The following RIMS2 variants were observed in gnomAD, a reference collection of about 807,000 sequenced individuals.
RIMS2 encodes the protein regulating synaptic membrane exocytosis 2.
Under a neutral mutation model 174.4 loss-of-function variants are expected in RIMS2, and 59 were observed. The ratio of observed to expected loss-of-function variants is 0.34; its 90% CI spans 0.27 to 0.42. The LOEUF (loss-of-function observed/expected upper bound fraction) is 0.42, where lower values mean the gene tolerates loss of function less well. Among genes scored for constraint, RIMS2 ranks in the 10% least tolerant of loss-of-function variants. The pLI is 1.00. For missense variants in RIMS2, 1,620 were observed against 1,666.3 expected (o/e 0.97, Z 0.48); for synonymous variants, 606 against 572.5 (o/e 1.06, Z -0.84).
At chr8:104,091,367 A>G (rs372178216) in intron 19 of RIMS2, among the ~76,000 whole-genome samples, 14 of 151,874 alleles carry the variant, frequency 9.2e-5, no homozygotes, top group East Asian at 1.9e-4. Flanking sequence ...AAAAGAAAGA[A>G]TAGCAGCTAC....
rs550975181 is a variant in RIMS2, at chr8:103,961,497, T to C, written c.2770+364T>C. ...TTTTTATGTAACCACCATATCTAAA[T>C]ATGTCAAATGTTTAAATGGGAGTTT... On this transcript the variant is annotated intron_variant, in intron 15 of 23. Transcript: ENST00000504942. Among the ~76,000 whole-genome samples the C allele has an allele frequency of 3.2e-3, 485 of 152,284 alleles. 5 individuals are homozygous for C. The highest frequency in any genetic ancestry group is 3.5e-3 in the Non-Finnish European group (236 of 67,962).
At chr8:104,093,613 C>T (rs751883353) in intron 19 of RIMS2, 2 of 1,596,770 alleles carry the variant, frequency 1.3e-6, no homozygotes, top group South Asian at 1.1e-5. Flanking sequence ...TCTGTCCAAT[C>T]AGAACGCCCA....
intron 1 of RIMS2, among the ~76,000 whole-genome samples, chr8:103,678,232 T>C (rs1465443691): frequency 2.6e-5 from 4 of 152,204 alleles, no homozygotes; most frequent in Non-Finnish European, 5.9e-5. Context: ...TCAAATAATA[T>C]ACACACAATA....
intron 3 of RIMS2, among the ~76,000 whole-genome samples, chr8:103,854,635 G>A (rs2099017410): frequency 6.6e-6 from 1 of 151,576 alleles, no homozygotes; most frequent in Non-Finnish European, 1.5e-5. Flanking sequence ...TATGCTTTTT[G>A]TTTTGAATTA....
intron 3 of RIMS2, among the ~76,000 whole-genome samples, chr8:103,786,621 C>T (rs1365469653): frequency 1.3e-5 from 2 of 152,158 alleles, no homozygotes; most frequent in Non-Finnish European, 2.9e-5. Flanking sequence ...TTTGATTGCA[C>T]TGTGGTCTGA....
At chr8:104,066,693 A>C (rs574190105) in intron 19 of RIMS2, among the ~76,000 whole-genome samples, 1 of 152,308 alleles carries the variant, frequency 6.6e-6, no homozygotes, top group East Asian at 1.9e-4. Flanking sequence ...TATGTCATTC[A>C]AATTATATTA....
intron 19 of RIMS2, among the ~76,000 whole-genome samples, chr8:104,194,394 A>G (rs1328151887): frequency 6.6e-6 from 1 of 152,208 alleles, no homozygotes; most frequent in Non-Finnish European, 1.5e-5. Context: ...TTTATAATCA[A>G]TGATAATTTT....
intron 2 of RIMS2, among the ~76,000 whole-genome samples, chr8:103,705,784 A>G (rs1005209756): frequency 2.0e-5 from 3 of 150,654 alleles, no homozygotes; most frequent in South Asian, 2.1e-4. Context: ...TTTTCCATGC[A>G]TGTATGTCTT....
At chr8:104,172,253 G>C (rs1243529828) in intron 19 of RIMS2, among the ~76,000 whole-genome samples, 3 of 152,028 alleles carry the variant, frequency 2.0e-5, no homozygotes, top group African/African-American at 7.2e-5. Flanking sequence ...TCTCAGTTAG[G>C]GCATCATCTA....
chr8:103,501,189 G>T, intron 1 of RIMS2, 127 bp downstream of exon 1: 1 of 588,982 alleles, frequency 1.7e-6, no homozygotes, highest in Non-Finnish European at 2.6e-6. Flanking sequence ...GGCCACGAGG[G>T]CTGCGGCCAG....
At chr8:103,854,748 C>A (rs912998130) in intron 3 of RIMS2, among the ~76,000 whole-genome samples, 2 of 151,850 alleles carry the variant, frequency 1.3e-5, no homozygotes, top group African/African-American at 4.8e-5. Context: ...TTTTGATGTG[C>A]TGTTGGATTT....
intron 1 of RIMS2, among the ~76,000 whole-genome samples, chr8:103,532,282 G>A (rs1205772034): frequency 6.6e-6 from 1 of 152,232 alleles, no homozygotes; most frequent in African/African-American, 2.4e-5. Context: ...AGTAGTTTCT[G>A]AATGTTCTGA....
At chr8:103,536,515 A>T (rs897118678) in intron 1 of RIMS2, among the ~76,000 whole-genome samples, 2 of 152,154 alleles carry the variant, frequency 1.3e-5, no homozygotes, top group Non-Finnish European at 2.9e-5. Context: ...AATTAACCTC[A>T]TGGTTCCTCA....
intron 1 of RIMS2, among the ~76,000 whole-genome samples, chr8:103,557,556 A>G (rs2090716574): frequency 6.6e-6 from 1 of 152,198 alleles, no homozygotes; most frequent in African/African-American, 2.4e-5. Context: ...TGTTCCAGGC[A>G]CTGTTCTAGA....
In RIMS2 at chr8:104,194,139, T is replaced by G. The variant is rs114047666; in HGVS notation, c.3335-50777T>G. Among the ~76,000 whole-genome samples the G allele has an allele frequency of 4.6e-3, 698 of 152,218 alleles. 9 individuals are homozygous for G. Among genetic ancestry groups the G allele is most frequent in the African/African-American group, 0.016 (656 of 41,548 alleles). ...GCAAATAATCAGTATTAGGAGAATT[T>G]TTTTCTTTCTTTTTTTTTCAAATGA... On this transcript the variant is annotated intron_variant, in intron 19 of 23. Transcript: ENST00000504942.
chr8:103,793,007 A>C (rs1001094662), intron 3 of RIMS2, among the ~76,000 whole-genome samples: 4 of 152,104 alleles, frequency 2.6e-5, no homozygotes, highest in African/African-American at 9.7e-5. Context: ...AGAGGTACAA[A>C]GATGAACTGG....
chr8:103,536,619 C>G (rs566612854), intron 1 of RIMS2, among the ~76,000 whole-genome samples: 1 of 152,118 alleles, frequency 6.6e-6, no homozygotes, highest in African/African-American at 2.4e-5. Context: ...GCACATCTTG[C>G]ATGGCCAGAG....
At chr8:104,148,274 C>T (rs1003729275) in intron 19 of RIMS2, among the ~76,000 whole-genome samples, 6 of 146,100 alleles carry the variant, frequency 4.1e-5, no homozygotes, top group South Asian at 2.1e-4. Context: ...TCCCTTATGT[C>T]GTATGGCTAC....
intron 1 of RIMS2, among the ~76,000 whole-genome samples, chr8:103,600,407 T>G (rs1344736359): frequency 6.6e-6 from 1 of 152,164 alleles, no homozygotes; most frequent in African/African-American, 2.4e-5. Context: ...GTAGCTGGGA[T>G]TACAGGCATG....
Sources: gnomAD v4.1 joint callset for allele counts (sites outside exome capture counted in the v4.1 genomes callset) on GRCh38, gnomAD v4.1.1 for gene constraint, MANE v1.5 for transcripts, NCBI Gene and HGNC (gene_info 2026-07-23, HGNC 2026-07-21) for gene names.